PTPRD: variants seen among roughly 807,000 people sequenced by gnomAD.
PTPRD encodes protein tyrosine phosphatase receptor type D.
PTPRD carries 34 observed loss-of-function variants against 214.5 expected under a neutral mutation model. The observed-to-expected ratio is 0.16, with a 90% CI of 0.12 to 0.21. The LOEUF is 0.21. Ranked by LOEUF, PTPRD falls within the 10% of genes least tolerant of loss-of-function variation. The pLI is 1.00. For synonymous variants in PTPRD, 1,128 were observed against 845.7 expected, an observed-to-expected ratio of 1.33 and a Z score of -5.79; for missense variants, 2,545 against 2,398.7, an observed-to-expected ratio of 1.06 and a Z score of -1.27.
At chr9:10,553,798 C>A (rs1394107790) in intron 2 of PTPRD, among the ~76,000 whole-genome samples, 1 of 152,106 alleles carries the variant, frequency 6.6e-6, no homozygotes, top group Non-Finnish European at 1.5e-5. Context: ...TAAAATCTTC[C>A]AGTTACACAA....
chr9:9,007,176 T>C (rs2099476829), intron 11 of PTPRD, among the ~76,000 whole-genome samples: 1 of 151,910 alleles, frequency 6.6e-6, no homozygotes, highest in Non-Finnish European at 1.5e-5. Flanking sequence ...GATGAGGTTA[T>C]GAGTAGAGGT....
intron 5 of PTPRD, among the ~76,000 whole-genome samples, chr9:9,855,693 G>C (rs1410877080): frequency 6.6e-6 from 1 of 152,190 alleles, no homozygotes; most frequent in African/African-American, 2.4e-5. Context: ...CCCTCCAGGA[G>C]GCAACACGCA....
intron 10 of PTPRD, among the ~76,000 whole-genome samples, chr9:9,106,252 C>T (rs912528072): frequency 2.6e-5 from 4 of 151,562 alleles, no homozygotes; most frequent in Non-Finnish European, 5.9e-5. Flanking sequence ...GTCACATCTG[C>T]AGTGGAGGGA....
At chr9:10,003,894 C>A (rs1472880671) in intron 4 of PTPRD, among the ~76,000 whole-genome samples, 2 of 151,666 alleles carry the variant, frequency 1.3e-5, no homozygotes, top group African/African-American at 2.4e-5. Context: ...GATTTATTTG[C>A]TTACAGACCC....
intron 11 of PTPRD, among the ~76,000 whole-genome samples, chr9:9,012,645 A>T (rs1483263425): frequency 2.6e-5 from 4 of 152,164 alleles, no homozygotes; most frequent in African/African-American, 9.7e-5. Flanking sequence ...AACAAAACAG[A>T]CTTTGAAGGA....
At chr9:8,534,034 TA>T (rs528015051) in intron 14 of PTPRD, among the ~76,000 whole-genome samples, 1 of 152,012 alleles carries the variant, frequency 6.6e-6, no homozygotes, top group Non-Finnish European at 1.5e-5. Context: ...ATTAGAGACT[TA>T]AAAAATGGCT....
intron 3 of PTPRD, among the ~76,000 whole-genome samples, chr9:10,163,929 T>G (rs987718833): frequency 1.3e-5 from 2 of 151,524 alleles, no homozygotes; most frequent in East Asian, 1.9e-4. Context: ...TTTTGCCATT[T>G]ATTTTCACAA....
intron 27 of PTPRD, among the ~76,000 whole-genome samples, chr9:8,490,721 T>G (rs961416655): frequency 2.0e-5 from 3 of 152,194 alleles, no homozygotes; most frequent in African/African-American, 7.2e-5. Flanking sequence ...TTCAGAAGCA[T>G]CCTTGAGGTT....
Position 10,229,866 on chromosome 9 carries a change from A to G in PTPRD, c.-545+111097T>C, listed in dbSNP as rs547139831. On this transcript the variant is annotated intron_variant, in intron 3 of 45. Coordinates refer to ENST00000381196, the MANE Select transcript of PTPRD (RefSeq NM_002839.4). ...TTAAAGTATAATAATAAAAAAAGAT[A>G]AAAACAAAACAAGAAAAAAAGAAAT... 2.1e-4 allele frequency among the ~76,000 whole-genome samples: 32 copies of G among 152,088 alleles called. 1 individual carries two copies. The Middle Eastern group carries it at 0.01, about 48-fold the overall frequency.
chr9:10,475,518 G>A (rs1328380071), intron 2 of PTPRD, among the ~76,000 whole-genome samples: 2 of 152,018 alleles, frequency 1.3e-5, no homozygotes, highest in Non-Finnish European at 2.9e-5. Context: ...AAAAAGCCCA[G>A]GACCAGATGG....
intron 43 of PTPRD, 141 bp from the exon 44 acceptor site, chr9:8,331,877 C>CTT (rs2131676403): frequency 1.0e-6 from 1 of 980,836 alleles, no homozygotes; most frequent in Non-Finnish European, 1.4e-6. Context: ...TAAATAGAAA[C>CTT]TTAGTTATGG....
At chr9:10,298,921 A>C (rs660365) in intron 3 of PTPRD, among the ~76,000 whole-genome samples, 1 of 151,952 alleles carries the variant, frequency 6.6e-6, no homozygotes, top group Admixed American at 6.6e-5. Flanking sequence ...CATCTAGTTC[A>C]TTGATTAGAA....
At chr9:8,448,257 G>A (rs550733062) in intron 34 of PTPRD, among the ~76,000 whole-genome samples, 44 of 152,302 alleles carry the variant, frequency 2.9e-4, no homozygotes, top group Admixed American at 2.5e-3. Context: ...GATCCCGGGA[G>A]GTTGAGGCTG....
intron 2 of PTPRD, among the ~76,000 whole-genome samples, chr9:10,511,948 G>GTGTATATATA (rs2048274857): frequency 4.6e-5 from 3 of 65,612 alleles, no homozygotes; most frequent in Non-Finnish European, 6.4e-5. Context: ...ATATATATAC[G>GTGTATATATA]TGTGTGTATA....
intron 2 of PTPRD, among the ~76,000 whole-genome samples, chr9:10,485,008 G>A (rs542607895): frequency 1.3e-5 from 2 of 150,122 alleles, no homozygotes; most frequent in African/African-American, 4.9e-5. Flanking sequence ...AGATTTAAGT[G>A]TTTAATCAAT....
At chr9:10,312,487 CTAA>C (rs1264652591) in intron 3 of PTPRD, among the ~76,000 whole-genome samples, 1 of 151,754 alleles carries the variant, frequency 6.6e-6, no homozygotes, top group Non-Finnish European at 1.5e-5. Context: ...TAGGAAAACT[CTAA>C]TAAGGTATTT....
intron 11 of PTPRD, among the ~76,000 whole-genome samples, chr9:8,782,841 T>A (rs747537620): frequency 4.3e-4 from 65 of 151,996 alleles, no homozygotes; most frequent in Non-Finnish European, 7.1e-4. Context: ...TGATCTGCCC[T>A]CCTTGGCCCC....
At chr9:9,407,740 T>C (rs1358131288) in intron 8 of PTPRD, among the ~76,000 whole-genome samples, 1 of 151,802 alleles carries the variant, frequency 6.6e-6, no homozygotes, top group Non-Finnish European at 1.5e-5. Context: ...CACATGATTT[T>C]TGCAAGGAAT....
chr9:9,370,934 A>ATG (rs2059319446), intron 9 of PTPRD, among the ~76,000 whole-genome samples: 1 of 152,242 alleles, frequency 6.6e-6, no homozygotes, highest in Non-Finnish European at 1.5e-5. Context: ...GCATATGTTG[A>ATG]ACCAGCCTTG....
Sources: gnomAD v4.1 joint callset for allele counts (sites outside exome capture counted in the v4.1 genomes callset) on GRCh38, gnomAD v4.1.1 for gene constraint, MANE v1.5 for transcripts, NCBI Gene and HGNC (gene_info 2026-07-23, HGNC 2026-07-21) for gene names.